TMOD2: variants seen among roughly 807,000 people sequenced by gnomAD.
The protein encoded by TMOD2 is tropomodulin-2.
Under a neutral mutation model 39.9 loss-of-function variants are expected in TMOD2, and 22 were observed. The ratio of observed to expected loss-of-function variants is 0.55; its 90% CI spans 0.39 to 0.79. TMOD2 has a LOEUF of 0.79. Among genes scored for constraint, TMOD2 ranks in the 30% least tolerant of loss-of-function variants. The pLI is 0.00. For missense variants in TMOD2, 386 were observed against 413.3 expected (o/e 0.93, Z 0.57); for synonymous variants, 123 against 146.1 (o/e 0.84, Z 1.14).
intron 1 of TMOD2, among the ~76,000 whole-genome samples, chr15:51,757,887 A>C (rs1435138891): frequency 6.6e-6 from 1 of 152,196 alleles, no homozygotes; most frequent in African/African-American, 2.4e-5. Flanking sequence ...CAATGTAGCG[A>C]GACCCTGTCT....
At chr15:51,760,918 A>G (rs1166069956) in intron 1 of TMOD2, among the ~76,000 whole-genome samples, 1 of 152,224 alleles carries the variant, frequency 6.6e-6, no homozygotes, top group Non-Finnish European at 1.5e-5. Context: ...TTAGGTGGCC[A>G]TGATTCTGCC....
At chr15:51,785,579 T>A (rs1038732511) in intron 7 of TMOD2, among the ~76,000 whole-genome samples, 3 of 150,702 alleles carry the variant, frequency 2.0e-5, no homozygotes, top group Non-Finnish European at 3.0e-5. Flanking sequence ...CAAAAAAAAA[T>A]AAATATAGCA....
intron 1 of TMOD2, among the ~76,000 whole-genome samples, chr15:51,765,060 T>C (rs2141616257): frequency 6.6e-6 from 1 of 152,190 alleles, no homozygotes; most frequent in East Asian, 1.9e-4. Context: ...TGGAGTGCAG[T>C]GATGCCATCT....
In TMOD2 at chr15:51,798,356, G is replaced by C; in HGVS notation, c.876+16G>C. 1 of 1,612,668 alleles carries C rather than the reference G, an allele frequency of 6.2e-7. No homozygotes were observed. The highest frequency in any genetic ancestry group is 8.5e-7 in the Non-Finnish European group (1 of 1,179,588). ...TGACAACCAGGTAAGGAAGGCCAGA[G>C]AATAGGCAAAGTCAACTCACAGGGT... is the stretch of plus-strand genomic sequence containing the variant. On this transcript the variant is annotated intron_variant, in intron 8 of 9. Transcript: ENST00000249700.
At position 51,760,290 on chromosome 15, in the gene TMOD2, G is replaced by T. The variant is rs916293716; in HGVS notation, c.-69-6083G>T. Among the ~76,000 whole-genome samples the T allele has an allele frequency of 3.3e-5, 5 of 152,306 alleles. No individual in the cohort carries two copies. In the South Asian group the frequency reaches 1.0e-3, roughly 32 times the overall value. On this transcript the variant is annotated intron_variant, in intron 1 of 9. Transcript: ENST00000249700. ...CTGGGCTAAAATCAAGGTGTCACAG[G>T]ACTGTATTCCTTTCTGAAGGCCCTA...
In TMOD2 at chr15:51,766,580, G is replaced by C. The variant is rs758921019; in HGVS notation, c.126+13G>C. 17 of 1,613,076 alleles carry C rather than the reference G, an allele frequency of 1.1e-5. No individual in the cohort carries two copies. Among genetic ancestry groups the C allele is most frequent in the Non-Finnish European group, 1.4e-5 (16 of 1,179,512 alleles). ...CCTAGATCCTGAGGTTAGTGACATGGAACTGAAGCAGAGTGGTTAATGATA... is the reference window on the plus strand; with the variant it reads ...CCTAGATCCTGAGGTTAGTGACATGCAACTGAAGCAGAGTGGTTAATGATA... On this transcript the variant is annotated intron_variant, in intron 2 of 9. Transcript: ENST00000249700.
chr15:51,801,237 T>TCTCTCACACA (rs1491214017), intron 8 of TMOD2, among the ~76,000 whole-genome samples: 49 of 102,138 alleles, frequency 4.8e-4, no homozygotes, highest in Admixed American at 1.4e-3. Context: ...TCTCTCTCTC[T>TCTCTCACACA]CACACACACA....
In TMOD2 at chr15:51,781,026, T is replaced by A. The variant is rs1273599143; in HGVS notation, c.494-18T>A. ...AGGAGAGACTTTGCATTTTTTAAAA[T>A]GAAAACTTGTGTTTTAGATGTTGTC... On this transcript the variant is annotated intron_variant, in intron 5 of 9. Coordinates refer to ENST00000249700, the MANE Select transcript of TMOD2 (RefSeq NM_014548.4). 1 of 1,570,520 alleles carries A rather than the reference T, an allele frequency of 6.4e-7. No individual in the cohort carries two copies. Among genetic ancestry groups the A allele is most frequent in the Non-Finnish European group, 8.6e-7 (1 of 1,162,562 alleles).
intron 6 of TMOD2, among the ~76,000 whole-genome samples, chr15:51,781,620 G>T (rs961242943): frequency 2.6e-5 from 4 of 152,218 alleles, no homozygotes; most frequent in African/African-American, 4.8e-5. Flanking sequence ...GATTCATGCG[G>T]CTGTTGGCAG....
chr15:51,774,861 C>G lies in TMOD2; in HGVS notation c.406+1027C>G, dbSNP rs369543132. Among the ~76,000 whole-genome samples the G allele has an allele frequency of 9.2e-5, 14 of 152,160 alleles. No homozygotes were observed. The East Asian group carries it at 2.1e-3, about 23-fold the overall frequency. On this transcript the variant is annotated intron_variant, in intron 4 of 9. Coordinates refer to ENST00000249700, the MANE Select transcript of TMOD2 (RefSeq NM_014548.4). ...GAGAATGCAGGGCTGAACTTGAATT[C>G]CCAGGTAATGCCTTGAGAAAGGAAA...
intron 6 of TMOD2, among the ~76,000 whole-genome samples, chr15:51,781,650 A>C (rs940028364): frequency 6.6e-6 from 1 of 152,166 alleles, no homozygotes; most frequent in Non-Finnish European, 1.5e-5. Flanking sequence ...ATTTCTCACC[A>C]TGTGGCTCCC....
chr15:51,780,277 T>C (rs904006307), intron 5 of TMOD2, among the ~76,000 whole-genome samples: 6 of 152,240 alleles, frequency 3.9e-5, no homozygotes, highest in South Asian at 4.1e-4. Flanking sequence ...TTCCCACTTA[T>C]AGAGGAGTAC....
chr15:51,800,305 C>T (rs903163189), intron 8 of TMOD2, among the ~76,000 whole-genome samples: 3 of 152,146 alleles, frequency 2.0e-5, no homozygotes, highest in Non-Finnish European at 4.4e-5. Flanking sequence ...GAGGCCGAGG[C>T]GAGCAGATCA....
chr15:51,777,086 GC>G, intron 5 of TMOD2, 68 bp downstream of exon 5: 1 of 1,343,204 alleles, frequency 7.4e-7, no homozygotes. Flanking sequence ...TAGGAGAGAG[GC>G]CTGTTGAGTC....
chr15:51,790,328 G>A (rs2056001888), intron 7 of TMOD2, among the ~76,000 whole-genome samples: 1 of 152,122 alleles, frequency 6.6e-6, no homozygotes. Context: ...TCTCTGAATA[G>A]ACCAATAACA....
At position 51,781,026 on chromosome 15, in the gene TMOD2, T is replaced by C; in HGVS notation, c.494-18T>C. 1 of 1,570,520 alleles carries C rather than the reference T, an allele frequency of 6.4e-7. No homozygotes were observed. Among genetic ancestry groups the C allele is most frequent in the Non-Finnish European group, 8.6e-7 (1 of 1,162,562 alleles). ...AGGAGAGACTTTGCATTTTTTAAAA[T>C]GAAAACTTGTGTTTTAGATGTTGTC... On this transcript the variant is annotated intron_variant, in intron 5 of 9. Coordinates refer to ENST00000249700, the MANE Select transcript of TMOD2 (RefSeq NM_014548.4).
intron 2 of TMOD2, 35 bp downstream of exon 2, chr15:51,766,602 G>T (rs760582922): frequency 1.9e-6 from 3 of 1,603,190 alleles, no homozygotes; most frequent in South Asian, 1.1e-5. Flanking sequence ...AGTGGTTAAT[G>T]ATAGTATGGA....
chr15:51,785,263 T>G (rs1452915035), intron 7 of TMOD2, among the ~76,000 whole-genome samples: 1 of 151,676 alleles, frequency 6.6e-6, no homozygotes, highest in Non-Finnish European at 1.5e-5. Flanking sequence ...ATACAAAAAA[T>G]TAGCCGGGCG....
At chr15:51,751,888 G>T (rs914971411) in intron 1 of TMOD2, among the ~76,000 whole-genome samples, 176 bp downstream of exon 1, 2 of 149,074 alleles carry the variant, frequency 1.3e-5, no homozygotes, top group Non-Finnish European at 3.0e-5. Flanking sequence ...TCGCCTCCCG[G>T]CCCGGTCGGC....
Sources: gnomAD v4.1 joint callset for allele counts (sites outside exome capture counted in the v4.1 genomes callset) on GRCh38, gnomAD v4.1.1 for gene constraint, MANE v1.5 for transcripts, NCBI Gene and HGNC (gene_info 2026-07-23, HGNC 2026-07-21) for gene names.